The following FLG variants were observed in gnomAD, a reference collection of about 807,000 sequenced individuals.
The protein encoded by FLG is filaggrin, also known as epidermal filaggrin.
In FLG, 6 loss-of-function variants were observed where a neutral mutation model predicts 3.8. The ratio of observed to expected loss-of-function variants is 1.60; its 90% CI spans 0.87 to 3.15. FLG has a LOEUF of 3.15. Among genes scored for constraint, FLG ranks in the 30% most tolerant of loss-of-function variants. FLG has a pLI of 0.00. For missense variants in FLG, 7,595 were observed against 5,050.9 expected, an observed-to-expected ratio of 1.50 and a Z score of -15.27; for synonymous variants, 2,551 against 1,931.6, an observed-to-expected ratio of 1.32 and a Z score of -8.41.
Position 152,307,807 on chromosome 1 carries a change from T to C in FLG, c.7079A>G (p.His2360Arg), listed in dbSNP as rs1652083904. Residue 2360 changes from histidine to arginine, a missense_variant, in exon 3 of 3, where the codon CAC becomes CGC. Coordinates refer to ENST00000368799, the MANE Select transcript of FLG (RefSeq NM_002016.2). ...QASSAVRDSGHRGSSGSQASD... is the reference protein window; with the variant it reads ...QASSAVRDSGRRGSSGSQASD... ...GGCCTGACTACCACTGGACCCTCGG[T>C]GTCCACTGTCTCTGACTGCAGATGA... is the stretch of plus-strand genomic sequence containing the variant. 1.9e-6 allele frequency: 3 copies of C among 1,612,762 alleles called. No individual in the cohort carries two copies. Among genetic ancestry groups the C allele is most frequent in the Non-Finnish European group, 2.5e-6 (3 of 1,179,706 alleles).
rs578140359 is a variant in FLG, at chr1:152,308,443, C to T, written c.6443G>A (p.Gly2148Glu). The T allele has an allele frequency of 2.9e-5, 46 of 1,613,800 alleles. 1 individual carries two copies. In the Middle Eastern group the frequency reaches 8.2e-4, roughly 29 times the overall value. ...IRGHPGPSRG[G>E]RQGSHQEQSV... is the part of the protein sequence containing the mutation. ...TTGCTCTTGGTGGGACCCCTGTCTTCCTCCTCTGCTTGGCCCCGGGTGTCC... is the reference window on the plus strand; with the variant it reads ...TTGCTCTTGGTGGGACCCCTGTCTTTCTCCTCTGCTTGGCCCCGGGTGTCC... The change falls in exon 3 of 3, where the codon GGA becomes GAA. Residue 2148 changes from glycine to glutamate, a missense_variant. Transcript: ENST00000368799.
In FLG at chr1:152,307,928, C is replaced by T. The variant is rs1404928962; in HGVS notation, c.6958G>A (p.Glu2320Lys). Residue 2320 changes from glutamate to lysine, a missense_variant, in exon 3 of 3, where the codon GAA becomes AAA. Physicochemically the swap from Glu to Lys is moderately conservative, Grantham distance 56. Transcript: ENST00000368799. ...TCTCCTGCACTTGATCTTGCCTGTT[C>T]ATGGGATGATGCAGCCTGTCCACCA... ...SSGGQAASSHEQARSSAGERH... is the reference protein window; with the variant it reads ...SSGGQAASSHKQARSSAGERH... The T allele has an allele frequency of 6.2e-7, 1 of 1,613,502 alleles. No homozygotes were observed. The highest frequency in any genetic ancestry group is 1.7e-5 in the Admixed American group (1 of 59,902).
In FLG at chr1:152,309,691, T is replaced by C; in HGVS notation, c.5195A>G (p.Gln1732Arg). 6.2e-7 allele frequency: 1 copy of C among 1,613,960 alleles called. No individual in the cohort carries two copies. The highest frequency in any genetic ancestry group is 8.5e-7 in the Non-Finnish European group (1 of 1,179,978). Reference protein sequence around the residue: ...SEGHSEESDTQSVSAHGQAGP... With the variant: ...SEGHSEESDTRSVSAHGQAGP... ...AGCCTGTCCGTGGGCTGACACTGAC[T>C]GTGTGTCTGACTCTTCTGAGTGTCC... The change falls in exon 3 of 3, where the codon CAG becomes CGG. Residue 1732 changes from glutamine to arginine, a missense_variant. Coordinates refer to ENST00000368799, the MANE Select transcript of FLG (RefSeq NM_002016.2).
rs1249120894 is a variant in FLG, at chr1:152,308,198, A to G, written c.6688T>C (p.Ser2230Pro). Reference sequence around the variant, plus strand: ...GGCCTGCTTGTCCTGGGCCCTGATGATTGTCCCTGGCCCACCAGTGAGTGT... The same window carrying G: ...GGCCTGCTTGTCCTGGGCCCTGATGGTTGTCCCTGGCCCACCAGTGAGTGT... The part of the protein sequence containing the change: ...SRHSLVGQGQ[S>P]SGPRTSRPRG... The change falls in exon 3 of 3, where the codon TCA becomes CCA. Residue 2230 changes from serine (S) to proline (P), a missense_variant. Ser to Pro is a moderately conservative substitution (Grantham distance 74). Transcript: ENST00000368799. 6.2e-7 allele frequency: 1 copy of G among 1,613,674 alleles called. No individual in the cohort carries two copies. The highest frequency in any genetic ancestry group is 1.6e-4 in the Middle Eastern group (1 of 6,062).
chr1:152,311,817 T>C lies in FLG; in HGVS notation c.3069A>G (p.Glu1023=). 6.2e-7 allele frequency: 1 copy of C among 1,614,100 alleles called. No homozygotes were observed. Among genetic ancestry groups the C allele is most frequent in the Non-Finnish European group, 8.5e-7 (1 of 1,180,004 alleles). ...SSGGQAASSH[E]QARSSPGERH... The stretch of plus-strand genomic sequence containing the variant: ...TTTCTCCTGGACTTGATCTTGCCTG[T>C]TCATGGGATGACGCAGCCTGTCCAC... The change falls in exon 3 of 3, where the codon GAA becomes GAG. Residue 1023 remains glutamate, a synonymous_variant. Coordinates refer to ENST00000368799, the MANE Select transcript of FLG (RefSeq NM_002016.2).
In FLG at chr1:152,311,488, C is replaced by G. The variant is rs773295506; in HGVS notation, c.3398G>C (p.Arg1133Pro). 6.2e-7 allele frequency: 1 copy of G among 1,613,618 alleles called. No homozygotes were observed. Among genetic ancestry groups the G allele is most frequent in the Non-Finnish European group, 8.5e-7 (1 of 1,179,826 alleles). The change falls in exon 3 of 3, where the codon CGG becomes CCG. Residue 1133 changes from arginine to proline, a missense_variant. Transcript: ENST00000368799. The stretch of plus-strand genomic sequence containing the variant: ...TCTTCGTCCAGTGCTGGTCCTGGTC[C>G]GCCCATGGGCAGACTCAGACTGTTC... Reference protein sequence around the residue: ...THEQSESAHGRTRTSTGRRQG... With the variant: ...THEQSESAHGPTRTSTGRRQG...
rs754751221 is a variant in FLG, at chr1:152,312,417, C to A, written c.2469G>T (p.Glu823Asp). Residue 823 changes from glutamate (E) to aspartate (D), a missense_variant, in exon 3 of 3, where the codon GAG becomes GAT. Glu to Asp is a conservative substitution (Grantham distance 45). Coordinates refer to ENST00000368799, the MANE Select transcript of FLG (RefSeq NM_002016.2). ...AGTGCCTGGAGTTGTCTCGTGCCTG[C>A]TCATGGTGGGATCCTTGTCTTACTC... ...STGVRQGSHH[E>D]QARDNSRHSA... 2 of 1,613,450 alleles carry A rather than the reference C, an allele frequency of 1.2e-6. No individual in the cohort carries two copies. The highest frequency in any genetic ancestry group is 1.7e-6 in the Non-Finnish European group (2 of 1,179,862).
Position 152,303,355 on chromosome 1 carries a change from T to C in FLG, c.11531A>G (p.Gln3844Arg). 1.9e-6 allele frequency: 3 copies of C among 1,614,076 alleles called. No homozygotes were observed. The highest frequency in any genetic ancestry group is 2.5e-6 in the Non-Finnish European group (3 of 1,179,992). Reference protein sequence around the residue: ...STQADSSRHSQSGQGESAGSR... With the variant: ...STQADSSRHSRSGQGESAGSR... ...CCCCGCTGATTCACCCTGGCCGGAC[T>C]GTGAGTGTCTAGAGCTGTCAGCCTG... Residue 3844 changes from glutamine (Q) to arginine (R), a missense_variant, in exon 3 of 3, where the codon CAG becomes CGG. Gln to Arg is a conservative substitution (Grantham distance 43). Coordinates refer to ENST00000368799, the MANE Select transcript of FLG (RefSeq NM_002016.2).
rs368808067 is a variant in FLG at position 152,308,941 on chromosome 1, G to A, written c.5945C>T (p.Thr1982Ile). ...AGCCTGTCCACGAGAGGAAGACTCT[G>A]TGTGACGAGTGCCTGATTGTCTGGA... ...DSSRQSGTRHTESSSRGQAAS... is the reference protein window; with the variant it reads ...DSSRQSGTRHIESSSRGQAAS... The change falls in exon 3 of 3, where the codon ACA (threonine) becomes ATA (isoleucine). Residue 1982 changes from threonine to isoleucine, a missense_variant. Thr to Ile is a moderately conservative substitution (Grantham distance 89). Coordinates refer to ENST00000368799, the MANE Select transcript of FLG (RefSeq NM_002016.2). 1.4e-5 allele frequency: 22 copies of A among 1,614,028 alleles called. No individual in the cohort carries two copies. The African/African-American group carries it at 2.7e-4, about 20-fold the overall frequency.
rs76955400 is a variant in FLG, at chr1:152,313,564, C to T, written c.1322G>A (p.Gly441Glu). The T allele has an allele frequency of 7.0e-3, 11,236 of 1,613,960 alleles. 659 individuals carry two copies. In the African/African-American group the frequency reaches 0.13, roughly 18 times the overall value. ...NSDTQSVSGH[G>E]KAGLRQQSHQ... ...GCTCTGCTGTCTCAGCCCAGCCTTT[C>T]CGTGGCCTGACACTGATTGTGTGTC... is the stretch of plus-strand genomic sequence containing the variant. Residue 441 changes from glycine (G) to glutamate (E), a missense_variant, in exon 3 of 3, where the codon GGA becomes GAA. By Grantham distance (98) the Gly-to-Glu change is moderately conservative (BLOSUM62 -2). Transcript: ENST00000368799.
In FLG at chr1:152,304,612, G is replaced by A. The variant is rs1203589296; in HGVS notation, c.10274C>T (p.Ser3425Leu). The A allele has an allele frequency of 2.5e-6, 4 of 1,610,880 alleles. No homozygotes were observed. In the African/African-American group the frequency reaches 4.0e-5, roughly 16 times the overall value. The change falls in exon 3 of 3, where the codon TCA becomes TTA. Residue 3425 changes from serine (S) to leucine (L), a missense_variant. Physicochemically the swap from Ser to Leu is moderately radical, Grantham distance 145 (BLOSUM62 -2). Coordinates refer to ENST00000368799, the MANE Select transcript of FLG (RefSeq NM_002016.2). ...HEQARDSSRH[S>L]ASQEGQDTIR... ...GGTGTCCTGACCCTCTTGGGACGCT[G>A]AGTGCCTGGAGCTGTCTCGTGCCTG...
In FLG at chr1:152,303,422, C is replaced by A. The variant is rs199565469; in HGVS notation, c.11464G>T (p.Gly3822Cys). ...TGACGCGACCCTGAGTGCCTGGAGCCGTCTCCTGACTGTTCCTCATTACGT... is the reference window on the plus strand; with the variant it reads ...TGACGCGACCCTGAGTGCCTGGAGCAGTCTCCTGACTGTTCCTCATTACGT... ...ETRNEEQSGD[G>C]SRHSGSRHHE... The change falls in exon 3 of 3, where the codon GGC becomes TGC. Residue 3822 changes from glycine to cysteine, a missense_variant. By Grantham distance (159) the Gly-to-Cys change is radical. Coordinates refer to ENST00000368799, the MANE Select transcript of FLG (RefSeq NM_002016.2). 6.8e-5 allele frequency: 110 copies of A among 1,613,192 alleles called. No individual in the cohort carries two copies. The highest frequency in any genetic ancestry group is 9.9e-5 in the South Asian group (9 of 91,026).
chr1:152,309,658 T>A lies in FLG; in HGVS notation c.5228A>T (p.His1743Leu), dbSNP rs1262583768. Residue 1743 changes from histidine (H) to leucine (L), a missense_variant, in exon 3 of 3, where the codon CAT (histidine) becomes CTT (leucine). By Grantham distance (99) the His-to-Leu change is moderately conservative. Coordinates refer to ENST00000368799, the MANE Select transcript of FLG (RefSeq NM_002016.2). ...TGTGGACTCTTGGTGGCTCTGCTGA[T>A]GGGGCCCAGCCTGTCCGTGGGCTGA... The part of the protein sequence containing the change: ...SVSAHGQAGP[H>L]QQSHQESTRG... 1.2e-6 allele frequency: 2 copies of A among 1,613,692 alleles called. No homozygotes were observed. Among genetic ancestry groups the A allele is most frequent in the Admixed American group, 1.7e-5 (1 of 59,986 alleles).
In FLG at chr1:152,303,204, C is replaced by T. The variant is rs1442283598; in HGVS notation, c.11682G>A (p.Gln3894=). ...SRNHHGSSRE[Q]SRDGSRHPGS... is the part of the protein sequence containing the mutation. ...CGGGGTGTCTGGAGCCATCTCTTGACTGCTCCCGAGAAGATCCATGATGGT... is the reference window on the plus strand; with the variant it reads ...CGGGGTGTCTGGAGCCATCTCTTGATTGCTCCCGAGAAGATCCATGATGGT... Residue 3894 remains glutamine (Q), a synonymous_variant, in exon 3 of 3, where the codon CAG becomes CAA. Coordinates refer to ENST00000368799, the MANE Select transcript of FLG (RefSeq NM_002016.2). 3 of 1,614,144 alleles carry T rather than the reference C, an allele frequency of 1.9e-6. No individual in the cohort carries two copies. Among genetic ancestry groups the T allele is most frequent in the South Asian group, 2.2e-5 (2 of 91,072 alleles).
At position 152,307,451 on chromosome 1, in the gene FLG, C is replaced by T. The variant is rs759626354; in HGVS notation, c.7435G>A (p.Glu2479Lys). ...TGTCCAGATCTATCTACCAATTGCT[C>T]GTAGTGGGATCCCTGCCTTCCTCCA... Reference protein sequence around the residue: ...SSGGRQGSHYEQLVDRSGHSG... With the variant: ...SSGGRQGSHYKQLVDRSGHSG... The change falls in exon 3 of 3, where the codon GAG (glutamate) becomes AAG (lysine). Residue 2479 changes from glutamate to lysine, a missense_variant. Glu to Lys is a moderately conservative substitution (Grantham distance 56). Transcript: ENST00000368799. The T allele has an allele frequency of 1.8e-5, 29 of 1,613,148 alleles. No individual in the cohort carries two copies. Among genetic ancestry groups the T allele is most frequent in the African/African-American group, 2.7e-5 (2 of 74,768 alleles).
Position 152,307,433 on chromosome 1 carries a change from A to T in FLG, c.7453T>A (p.Ser2485Thr). ...CTGTGATGAGACCCTGAGTGTCCAGATCTATCTACCAATTGCTCGTAGTGG... is the reference window on the plus strand; with the variant it reads ...CTGTGATGAGACCCTGAGTGTCCAGTTCTATCTACCAATTGCTCGTAGTGG... ...GSHYEQLVDR[S>T]GHSGSHHSHT... Residue 2485 changes from serine (S) to threonine (T), a missense_variant, in exon 3 of 3, where the codon TCT becomes ACT. Physicochemically the swap from Ser to Thr is moderately conservative, Grantham distance 58. Transcript: ENST00000368799. 6.2e-7 allele frequency: 1 copy of T among 1,613,076 alleles called. No homozygotes were observed. The highest frequency in any genetic ancestry group is 2.2e-5 in the East Asian group (1 of 44,724).
Position 152,307,200 on chromosome 1 carries a change from G to C in FLG, c.7686C>G (p.Asn2562Lys). 6.2e-7 allele frequency: 1 copy of C among 1,612,060 alleles called. No homozygotes were observed. The highest frequency in any genetic ancestry group is 8.5e-7 in the Non-Finnish European group (1 of 1,179,370). The change falls in exon 3 of 3, where the codon AAC becomes AAG. Residue 2562 changes from asparagine (N) to lysine (K), a missense_variant. Asn to Lys is a moderately conservative substitution (Grantham distance 94, BLOSUM62 0). Coordinates refer to ENST00000368799, the MANE Select transcript of FLG (RefSeq NM_002016.2). Reference protein sequence around the residue: ...GQSEGPRTSRNWGSSFSQDSD... With the variant: ...GQSEGPRTSRKWGSSFSQDSD... ...TGTCCTGGCTAAAACTGGATCCCCA[G>C]TTCCTGCTTGTCCTGGGCCCCTCTG...
In FLG at chr1:152,304,706, C is replaced by A; in HGVS notation, c.10180G>T (p.Glu3394Ter). 6.2e-7 allele frequency: 1 copy of A among 1,613,418 alleles called. No homozygotes were observed. The highest frequency in any genetic ancestry group is 8.5e-7 in the Non-Finnish European group (1 of 1,179,838). The change falls in exon 3 of 3, where the codon GAA becomes TAA. Residue 3394 changes from glutamate to a stop codon, truncating the protein, a stop_gained. Coordinates refer to ENST00000368799, the MANE Select transcript of FLG (RefSeq NM_002016.2). LOFTEE classifies it low-confidence loss of function (END_TRUNC). ...CGCCCATGGGCAGACTCAGACTGTT[C>A]ATGAGTGCTCACCTGGTAGAGGAAA... is the stretch of plus-strand genomic sequence containing the variant. ...GSFLYQVSTH[E>*]QSESAHGRTR...
rs1050899017 is a variant in FLG, at chr1:152,310,440, G to C, written c.4446C>G (p.Ser1482=). ...QARNSSRHSA[S]QDGQDTIRGH... ...CACGAATGGTGTCCTGACCGTCTTG[G>C]GATGCTGAGTGCCTAGAGCTGTTTC... The change falls in exon 3 of 3, where the codon TCC becomes TCG. Residue 1482 remains serine (S), a synonymous_variant. Coordinates refer to ENST00000368799, the MANE Select transcript of FLG (RefSeq NM_002016.2). 6.2e-7 allele frequency: 1 copy of C among 1,613,178 alleles called. No individual in the cohort carries two copies. The highest frequency in any genetic ancestry group is 8.5e-7 in the Non-Finnish European group (1 of 1,179,748).
Sources: allele counts gnomAD v4.1 joint callset, GRCh38; gene constraint gnomAD v4.1.1; transcripts MANE v1.5; gene names NCBI Gene and HGNC (gene_info 2026-07-23, HGNC 2026-07-21).